Variants in RBFOX1 observed in about 807,000 individuals in gnomAD.
RBFOX1 encodes RNA binding fox-1 homolog 1.
Under a neutral mutation model 57.7 loss-of-function variants are expected in RBFOX1, and 8 were observed. The ratio of observed to expected loss-of-function variants is 0.14; its 90% CI spans 0.08 to 0.25. The LOEUF is 0.25. Among genes scored for constraint, RBFOX1 ranks in the 10% least tolerant of loss-of-function variants. RBFOX1 has a pLI of 1.00. For missense variants in RBFOX1, 611 were observed against 548.5 expected (o/e 1.11, Z -1.14); for synonymous variants, 326 against 222.4 (o/e 1.47, Z -4.15).
At chr16:6,380,549 A>G (rs1192195923) in intron 2 of RBFOX1, among the ~76,000 whole-genome samples, 1 of 151,610 alleles carries the variant, frequency 6.6e-6, no homozygotes, top group African/African-American at 2.4e-5. Flanking sequence ...CTGGGGGGAA[A>G]ATAAATGGCA....
At chr16:5,902,366 C>T (rs2058324792) in intron 4 of RBFOX1, among the ~76,000 whole-genome samples, 1 of 152,260 alleles carries the variant, frequency 6.6e-6, no homozygotes, top group Non-Finnish European at 1.5e-5. Context: ...GAGAAATGCT[C>T]TGCTGCCTTT....
chr16:6,081,787 T>G (rs8052082), intron 1 of RBFOX1, among the ~76,000 whole-genome samples: 1 of 152,056 alleles, frequency 6.6e-6, no homozygotes, highest in Non-Finnish European at 1.5e-5. Flanking sequence ...AACAGCCGTG[T>G]GCCTCTCTTT....
intron 1 of RBFOX1, among the ~76,000 whole-genome samples, chr16:5,344,917 A>G (rs999143212): frequency 3.9e-5 from 6 of 152,176 alleles, no homozygotes; most frequent in Non-Finnish European, 5.9e-5. Flanking sequence ...GCCTCTATCT[A>G]TGTACACCAG....
intron 1 of RBFOX1, among the ~76,000 whole-genome samples, chr16:5,312,209 G>A (rs935120919): frequency 2.0e-5 from 3 of 152,190 alleles, no homozygotes; most frequent in Non-Finnish European, 4.4e-5. Context: ...AGCTTACTTC[G>A]GGTGAAAGAG....
intron 2 of RBFOX1, among the ~76,000 whole-genome samples, chr16:6,557,662 G>C (rs2097124100): frequency 6.6e-6 from 1 of 152,146 alleles, no homozygotes; most frequent in Non-Finnish European, 1.5e-5. Context: ...ATGGAGAAGG[G>C]GAAAATGCTC....
At chr16:5,508,369 T>C (rs952264869) in intron 2 of RBFOX1, among the ~76,000 whole-genome samples, 1 of 152,188 alleles carries the variant, frequency 6.6e-6, no homozygotes, top group Admixed American at 6.5e-5. Flanking sequence ...ATGCGGCCAC[T>C]TGTTGCATCC....
At chr16:5,901,063 C>T (rs1223860072) in intron 4 of RBFOX1, among the ~76,000 whole-genome samples, 1 of 152,132 alleles carries the variant, frequency 6.6e-6, no homozygotes, top group African/African-American at 2.4e-5. Flanking sequence ...TCCAGAGCAC[C>T]AGCCCTTCTT....
At chr16:7,262,654 A>G (rs985304335) in intron 4 of RBFOX1, among the ~76,000 whole-genome samples, 5 of 152,226 alleles carry the variant, frequency 3.3e-5, no homozygotes, top group Non-Finnish European at 5.9e-5. Flanking sequence ...CTCAAATACA[A>G]TCTGCAATCT....
intron 4 of RBFOX1, among the ~76,000 whole-genome samples, chr16:7,063,750 G>A (rs1164249580): frequency 6.6e-6 from 1 of 152,186 alleles, no homozygotes; most frequent in Non-Finnish European, 1.5e-5. Flanking sequence ...AACATGTGCA[G>A]ACTTTTTGTC....
At chr16:5,396,205 C>T (rs566055) in intron 1 of RBFOX1, among the ~76,000 whole-genome samples, 3,986 of 152,270 alleles carry the variant, frequency 0.026, 184 homozygotes, top group African/African-American at 0.091. Context: ...GCAATGGTTA[C>T]GTGAAACAAG....
chr16:6,282,494 C>T (rs746459866), intron 1 of RBFOX1, among the ~76,000 whole-genome samples: 1 of 151,730 alleles, frequency 6.6e-6, no homozygotes, highest in Non-Finnish European at 1.5e-5. Context: ...AGGTGTTAAG[C>T]CCTGCATGCA....
intron 2 of RBFOX1, among the ~76,000 whole-genome samples, chr16:5,594,511 A>C (rs544650529): frequency 5.3e-5 from 8 of 152,356 alleles, no homozygotes; most frequent in Admixed American, 3.9e-4. Flanking sequence ...TGCATATGCA[A>C]GGTGAACATT....
At chr16:6,877,119 A>T (rs531012244) in intron 3 of RBFOX1, among the ~76,000 whole-genome samples, 2 of 152,300 alleles carry the variant, frequency 1.3e-5, no homozygotes, top group Middle Eastern at 3.4e-3. Context: ...CGCTGAAGAG[A>T]AATAACACCA....
At chr16:5,325,016 C>T (rs1481986551) in intron 1 of RBFOX1, among the ~76,000 whole-genome samples, 1 of 152,108 alleles carries the variant, frequency 6.6e-6, no homozygotes, top group Non-Finnish European at 1.5e-5. Flanking sequence ...GAAATCTGTA[C>T]AACAAACAGA....
intron 1 of RBFOX1, among the ~76,000 whole-genome samples, chr16:5,279,392 CT>C (rs759741963): frequency 1.5e-4 from 23 of 151,686 alleles, no homozygotes; most frequent in Non-Finnish European, 3.2e-4. Flanking sequence ...TCCTTGATTT[CT>C]TTTTTAGCTA....
intron 1 of RBFOX1, among the ~76,000 whole-genome samples, chr16:6,225,812 G>A (rs571576776): frequency 1.3e-5 from 2 of 152,332 alleles, no homozygotes; most frequent in East Asian, 1.9e-4. Flanking sequence ...AGACATGACT[G>A]AAGTGTGAAT....
intron 4 of RBFOX1, among the ~76,000 whole-genome samples, chr16:7,281,248 C>G (rs1414929610): frequency 1.3e-5 from 2 of 151,886 alleles, no homozygotes; most frequent in African/African-American, 4.8e-5. Flanking sequence ...AGTGATCTGC[C>G]TGTCCCAGCC....
At chr16:5,938,717 G>T (rs1218803435) in intron 4 of RBFOX1, among the ~76,000 whole-genome samples, 2 of 152,056 alleles carry the variant, frequency 1.3e-5, no homozygotes, top group Admixed American at 1.3e-4. Context: ...GCTTCTCATT[G>T]CTCCAGGTGA....
intron 1 of RBFOX1, among the ~76,000 whole-genome samples, chr16:5,406,716 C>G (rs181131777): frequency 3.9e-4 from 60 of 152,166 alleles, no homozygotes; most frequent in Admixed American, 7.9e-4. Context: ...ATATATCCAG[C>G]AAATATTTAT....
Sources: gnomAD v4.1 joint callset for allele counts (sites outside exome capture counted in the v4.1 genomes callset) on GRCh38, gnomAD v4.1.1 for gene constraint, MANE v1.5 for transcripts, NCBI Gene and HGNC (gene_info 2026-07-23, HGNC 2026-07-21) for gene names.